CDK6: variants seen among roughly 807,000 people sequenced by gnomAD.
CDK6 encodes the protein cyclin-dependent kinase 6.
Under a neutral mutation model 37.1 loss-of-function variants are expected in CDK6, and 6 were observed. That is an observed-to-expected ratio of 0.16 (90% confidence interval 0.09 to 0.32). CDK6 has a LOEUF of 0.32. Ranked by LOEUF, CDK6 falls within the 10% of genes least tolerant of loss-of-function variation. The pLI is 1.00. For missense variants in CDK6, 224 were observed against 418.9 expected (o/e 0.53, Z 4.06); for synonymous variants, 160 against 161.3 (o/e 0.99, Z 0.06).
At chr7:92,653,105 G>A (rs1562925523) in intron 5 of CDK6, among the ~76,000 whole-genome samples, 1 of 152,128 alleles carries the variant, frequency 6.6e-6, no homozygotes, top group South Asian at 2.1e-4. Flanking sequence ...TAATAGAAAC[G>A]TATTTTATCC....
intron 2 of CDK6, among the ~76,000 whole-genome samples, chr7:92,832,888 C>T (rs1801527760): frequency 6.6e-6 from 1 of 152,162 alleles, no homozygotes; most frequent in African/African-American, 2.4e-5. Context: ...ACTTGTCTTT[C>T]GGCTCGCTGT....
intron 3 of CDK6, among the ~76,000 whole-genome samples, chr7:92,732,630 C>T (rs1798677336): frequency 6.6e-6 from 1 of 152,160 alleles, no homozygotes. Flanking sequence ...TGGTTGTCAG[C>T]CATGAAGACC....
At chr7:92,729,747 T>C (rs954593338) in intron 3 of CDK6, among the ~76,000 whole-genome samples, 10 of 152,198 alleles carry the variant, frequency 6.6e-5, no homozygotes, top group Non-Finnish European at 1.3e-4. Context: ...GGCCTTCTTT[T>C]CTTTTTCTTT....
intron 2 of CDK6, among the ~76,000 whole-genome samples, chr7:92,776,027 C>T (rs993082690): frequency 1.3e-5 from 2 of 152,078 alleles, no homozygotes; most frequent in Non-Finnish European, 2.9e-5. Flanking sequence ...CCATCATCTA[C>T]ATTAGGTATT....
chr7:92,702,743 C>T (rs1215305040), intron 4 of CDK6, among the ~76,000 whole-genome samples: 1 of 152,144 alleles, frequency 6.6e-6, no homozygotes, highest in East Asian at 1.9e-4. Context: ...TGTGAAATGA[C>T]CTCTGAATCC....
At chr7:92,712,555 A>T (rs942611163) in intron 4 of CDK6, among the ~76,000 whole-genome samples, 4 of 152,220 alleles carry the variant, frequency 2.6e-5, no homozygotes, top group African/African-American at 9.6e-5. Flanking sequence ...CTTTAAATGC[A>T]GTTTTTCAGC....
chr7:92,649,031 G>A lies in CDK6; in HGVS notation c.647+22395C>T, dbSNP rs1189497025. 6.6e-5 allele frequency among the ~76,000 whole-genome samples: 10 copies of A among 151,688 alleles called. No homozygotes were observed. The East Asian group carries it at 1.9e-3, about 29-fold the overall frequency. ...GAAGAACACTTCCAGGAAATTTTAA[G>A]AGGCATATCTTGAAAAAAAAAAGTC... On this transcript the variant is annotated intron_variant, in intron 5 of 7. Transcript: ENST00000424848.
Position 92,833,926 on chromosome 7 carries a change from C to T in CDK6, c.-367-236G>A, listed in dbSNP as rs1562980578. The T allele has an allele frequency of 2.5e-6, 1 of 398,738 alleles. No homozygotes were observed. Among genetic ancestry groups the T allele is most frequent in the African/African-American group, 2.1e-5 (1 of 48,594 alleles). The allele number at this position is 398,738 out of a possible 1,614,324, so 24.7% of individuals were successfully genotyped here. ...CTTCGCGCGGAGAGGTTGCAGGGGC[C>T]CCTCGGGGATGAGCGAGCGGCGCGG... On this transcript the variant is annotated intron_variant, in intron 1 of 7. Coordinates refer to ENST00000424848, the MANE Select transcript of CDK6 (RefSeq NM_001145306.2). This position sits in a 1 kb window ranked among gnomAD's most constrained non-coding sequence, Gnocchi z 6.1.
In CDK6 at chr7:92,610,078, C is replaced by T. The variant is rs1795529277; in HGVS notation, c.*5062G>A. 8.7e-6 allele frequency: 2 copies of T among 230,128 alleles called. No individual in the cohort carries two copies. The highest frequency in any genetic ancestry group is 1.2e-4 in the East Asian group (2 of 16,052). The allele number at this position is 230,128 out of a possible 1,614,324, so 14.3% of individuals were successfully genotyped here. A position where few individuals can be genotyped will look rare whatever the true frequency, so the allele number is the denominator to read the frequency against. Reference sequence around the variant, plus strand: ...TTTAGTCTTCATCAGATTTGTTTTTCTCTAAAAGTGCCACCTTGTGGAATA... The same window carrying T: ...TTTAGTCTTCATCAGATTTGTTTTTTTCTAAAAGTGCCACCTTGTGGAATA... On this transcript the variant is annotated 3_prime_UTR_variant, in exon 8 of 8. Coordinates refer to ENST00000424848, the MANE Select transcript of CDK6 (RefSeq NM_001145306.2).
At chr7:92,708,136 A>G (rs1169461192) in intron 4 of CDK6, among the ~76,000 whole-genome samples, 1 of 152,204 alleles carries the variant, frequency 6.6e-6, no homozygotes, top group Non-Finnish European at 1.5e-5. Flanking sequence ...CTAATTTACA[A>G]CTTTCTTTGA....
intron 3 of CDK6, among the ~76,000 whole-genome samples, chr7:92,765,488 G>C (rs1157067483): frequency 6.6e-6 from 1 of 151,972 alleles, no homozygotes; most frequent in Non-Finnish European, 1.5e-5. Context: ...AGTGCAAAGT[G>C]AATGTGCCAA....
In CDK6 at chr7:92,643,211, A is replaced by G. The variant is rs138580770; in HGVS notation, c.648-20125T>C. Among the ~76,000 whole-genome samples, 265 of 152,308 alleles carry G rather than the reference A, an allele frequency of 1.7e-3. 1 individual carries two copies. The highest frequency in any genetic ancestry group is 6.1e-3 in the African/African-American group (255 of 41,568). Reference sequence around the variant, plus strand: ...CAAATCCCGGGTTTTAAAAAATACAAATGAACTAATGGGAATAACACTGGT... The same window carrying G: ...CAAATCCCGGGTTTTAAAAAATACAGATGAACTAATGGGAATAACACTGGT... On this transcript the variant is annotated intron_variant, in intron 5 of 7. Transcript: ENST00000424848.
chr7:92,691,172 A>G lies in CDK6; in HGVS notation c.538-19637T>C, dbSNP rs1183869034. Among the ~76,000 whole-genome samples, 4 of 152,356 alleles carry G rather than the reference A, an allele frequency of 2.6e-5. No homozygotes were observed. In the South Asian group the frequency reaches 6.2e-4, roughly 24 times the overall value. ...ATAATTACTGGGCAATCAACCTACC[A>G]AGACAGAAGCTGAGACTATAAAGAC... is the stretch of plus-strand genomic sequence containing the variant. On this transcript the variant is annotated intron_variant, in intron 4 of 7. Transcript: ENST00000424848.
chr7:92,644,222 A>C (rs3731343), intron 5 of CDK6, among the ~76,000 whole-genome samples: 97,743 of 152,058 alleles, frequency 0.64, 32,835 homozygotes, highest in African/African-American at 0.82. Flanking sequence ...ACTGGAGATT[A>C]CTCTTAAGGC....
At chr7:92,648,717 A>T (rs1796504633) in intron 5 of CDK6, among the ~76,000 whole-genome samples, 1 of 152,210 alleles carries the variant, frequency 6.6e-6, no homozygotes, top group Non-Finnish European at 1.5e-5. Context: ...ACCATCTATA[A>T]GATGATCTCA....
intron 4 of CDK6, chr7:92,701,950 T>C (rs1797859061): frequency 6.6e-6 from 1 of 152,220 alleles, no homozygotes; most frequent in Non-Finnish European, 1.5e-5. Context: ...TCGTTGACTG[T>C]CTTTCATCTG....
intron 5 of CDK6, among the ~76,000 whole-genome samples, chr7:92,633,955 C>T (rs1336782619): frequency 6.6e-6 from 1 of 152,070 alleles, no homozygotes; most frequent in Non-Finnish European, 1.5e-5. Flanking sequence ...GGATATTACA[C>T]CTTTGTCATA....
chr7:92,787,183 C>T (rs1380403103), intron 2 of CDK6, among the ~76,000 whole-genome samples: 1 of 69,816 alleles, frequency 1.4e-5, no homozygotes, highest in East Asian at 4.5e-4. Flanking sequence ...GAGACTCCAT[C>T]ACAAAAAAAA....
intron 2 of CDK6, among the ~76,000 whole-genome samples, chr7:92,808,920 A>ATTT (rs1800796601): frequency 6.6e-6 from 1 of 152,190 alleles, no homozygotes; most frequent in Admixed American, 6.5e-5. Context: ...TGTTTTCTGT[A>ATTT]GGAATTTTTA....
Sources: gnomAD v4.1 joint callset for allele counts (sites outside exome capture counted in the v4.1 genomes callset) on GRCh38, gnomAD v4.1.1 for gene constraint, Gnocchi (gnomAD v3.1) non-coding constraint, MANE v1.5 for transcripts, NCBI Gene and HGNC (gene_info 2026-07-23, HGNC 2026-07-21) for gene names.